The following ARMH4 variants were observed in gnomAD, a reference collection of about 807,000 sequenced individuals.
ARMH4 encodes armadillo-like helical domain-containing protein 4.
Under a neutral mutation model 61.9 loss-of-function variants are expected in ARMH4, and 49 were observed. The ratio of observed to expected loss-of-function variants is 0.79; its 90% confidence interval spans 0.63 to 1.00. The LOEUF (loss-of-function observed/expected upper bound fraction) is 1.00, where lower values mean the gene tolerates loss of function less well. Among genes scored for constraint, ARMH4 ranks in the 50% least tolerant of loss-of-function variants. The pLI, the probability that ARMH4 is intolerant of heterozygous loss-of-function variation, is 0.00. For missense variants in ARMH4, 934 were observed against 930.0 expected (o/e 1.00, Z -0.06); for synonymous variants, 368 against 341.5 (o/e 1.08, Z -0.85).
At chr14:58,039,517 T>G (rs1174604047) in intron 5 of ARMH4, among the ~76,000 whole-genome samples, 1 of 152,196 alleles carries the variant, frequency 6.6e-6, no homozygotes, top group Non-Finnish European at 1.5e-5. Context: ...AGAGATTATT[T>G]TTAAAAAAGA....
rs572892572 is a variant in ARMH4, at chr14:58,085,924, A to G, written c.2089+10800T>C. On this transcript the variant is annotated intron_variant, in intron 5 of 7. Coordinates refer to ENST00000267485, the MANE Select transcript of ARMH4 (RefSeq NM_001001872.4). ...GAACCTAAAACATTTAAAATGCTAC[A>G]TCGTAATAATAATTTTCTACATTCA... 2.6e-5 allele frequency among the ~76,000 whole-genome samples: 4 copies of G among 152,346 alleles called. 1 individual carries two copies. Among genetic ancestry groups the G allele is most frequent in the Admixed American group, 2.6e-4 (4 of 15,290 alleles).
Position 58,139,420 on chromosome 14 carries a change from G to T in ARMH4, c.-56-6C>A. 6.8e-7 allele frequency: 1 copy of T among 1,475,948 alleles called. No individual in the cohort carries two copies. The highest frequency in any genetic ancestry group is 9.4e-7 in the Non-Finnish European group (1 of 1,065,706). 91.4% of individuals were successfully genotyped at this position (1,475,948 alleles called of 1,614,324 possible). A position where few individuals can be genotyped will look rare whatever the true frequency, so the allele number is the denominator to read the frequency against. ...ACAAGTCCAGTAATTGAATCCTGCA[G>T]AAAAATAAAGCATATCAAACTGTCA... On this transcript the variant is annotated splice_polypyrimidine_tract_variant and splice_region_variant and intron_variant, in intron 1 of 7. Transcript: ENST00000267485.
chr14:58,017,625 T>C (rs1594692748), intron 5 of ARMH4, among the ~76,000 whole-genome samples: 1 of 152,162 alleles, frequency 6.6e-6, no homozygotes, highest in East Asian at 1.9e-4. Context: ...ATGAAAGAGA[T>C]TGAAGAAGAC....
chr14:58,012,187 T>C (rs201263862), intron 5 of ARMH4, 37 bp from the exon 6 acceptor site: 3 of 1,224,852 alleles, frequency 2.4e-6, no homozygotes, highest in Non-Finnish European at 3.5e-6. Flanking sequence ...GAAATAACCA[T>C]CTTTTACTTA....
At position 58,034,161 on chromosome 14, in the gene ARMH4, G is replaced by A. The variant is rs1348474758; in HGVS notation, c.2090-22011C>T. ...TTAAGGGCAGCCAGAGAGAAAGGTCGGGTTACCCTCAAAGGAAAGCCCATC... is the reference window on the plus strand; with the variant it reads ...TTAAGGGCAGCCAGAGAGAAAGGTCAGGTTACCCTCAAAGGAAAGCCCATC... On this transcript the variant is annotated intron_variant, in intron 5 of 7. Transcript: ENST00000267485. Among the ~76,000 whole-genome samples, 181 of 133,500 alleles carry A rather than the reference G, an allele frequency of 1.4e-3. 2 individuals carry two copies. Among genetic ancestry groups the A allele is most frequent in the African/African-American group, 4.5e-3 (157 of 34,788 alleles). The allele number at this position is 133,500 out of a possible 152,430, so 87.6% of individuals were successfully genotyped here. A position where few individuals can be genotyped will look rare whatever the true frequency, so the allele number is the denominator to read the frequency against.
chr14:58,147,319 T>A (rs993762112), intron 1 of ARMH4, among the ~76,000 whole-genome samples: 1 of 134,716 alleles, frequency 7.4e-6, no homozygotes, highest in African/African-American at 2.6e-5. Flanking sequence ...CCAGATGGTT[T>A]TTTTTTTTTT....
At chr14:58,047,143 T>C (rs913519975) in intron 5 of ARMH4, among the ~76,000 whole-genome samples, 2 of 152,220 alleles carry the variant, frequency 1.3e-5, no homozygotes, top group Admixed American at 6.5e-5. Flanking sequence ...ATGGTCATCA[T>C]TGCATAATAA....
At chr14:58,127,056 C>T (rs1030707234) in intron 4 of ARMH4, among the ~76,000 whole-genome samples, 1 of 152,096 alleles carries the variant, frequency 6.6e-6, no homozygotes, top group Admixed American at 6.6e-5. Flanking sequence ...CCTGCCTCGA[C>T]CTCCCAAAGT....
chr14:58,034,143 C>A (rs1443437517), intron 5 of ARMH4, among the ~76,000 whole-genome samples: 1 of 133,792 alleles, frequency 7.5e-6, no homozygotes, highest in Admixed American at 7.3e-5. Context: ...ATGTTAAGGG[C>A]AGCCAGAGAG....
chr14:58,138,713 G>C lies in ARMH4; in HGVS notation c.646C>G (p.Leu216Val), dbSNP rs775706474. 6.2e-7 allele frequency: 1 copy of C among 1,614,092 alleles called. No individual in the cohort carries two copies. The highest frequency in any genetic ancestry group is 1.1e-5 in the South Asian group (1 of 91,084). Residue 216 changes from leucine to valine, a missense_variant, in exon 2 of 8, where the codon CTA (leucine) becomes GTA (valine). Leu to Val is a conservative substitution (Grantham distance 32, BLOSUM62 1). Coordinates refer to ENST00000267485, the MANE Select transcript of ARMH4 (RefSeq NM_001001872.4). ...PSSYVNTKEMLTTNPKTEKFE... is the reference protein window; with the variant it reads ...PSSYVNTKEMVTTNPKTEKFE... ...TTCTCAGTCTTTGGATTGGTGGTTA[G>C]CATTTCCTTAGTATTCACATAGGAT...
intron 5 of ARMH4, among the ~76,000 whole-genome samples, chr14:58,065,050 T>C (rs1594734415): frequency 6.6e-6 from 1 of 152,312 alleles, no homozygotes; most frequent in African/African-American, 2.4e-5. Flanking sequence ...GAGACCATCC[T>C]GGCCAACATG....
At chr14:58,134,406 C>G (rs1266045792) in intron 2 of ARMH4, among the ~76,000 whole-genome samples, 6 of 152,178 alleles carry the variant, frequency 3.9e-5, no homozygotes, top group African/African-American at 1.4e-4. Flanking sequence ...TAATAATACT[C>G]TGCTTTCTCT....
At position 58,031,102 on chromosome 14, in the gene ARMH4, G is replaced by A. The variant is rs571380634; in HGVS notation, c.2090-18952C>T. On this transcript the variant is annotated intron_variant, in intron 5 of 7. Coordinates refer to ENST00000267485, the MANE Select transcript of ARMH4 (RefSeq NM_001001872.4). ...CTAATAGGTACCAGGTACTGGGCCA[G>A]AAAATAGCTATAAAGTGTTATGTAT... 3.5e-4 allele frequency among the ~76,000 whole-genome samples: 54 copies of A among 152,310 alleles called. No homozygotes were observed. The South Asian group carries it at 0.011, about 31-fold the overall frequency.
intron 4 of ARMH4, among the ~76,000 whole-genome samples, chr14:58,118,661 T>TG (rs1484779654): frequency 1.3e-5 from 2 of 152,078 alleles, no homozygotes; most frequent in Non-Finnish European, 2.9e-5. Flanking sequence ...GAGCACGGAA[T>TG]GGGTCAGGGC....
At chr14:58,104,413 T>C (rs1295639790) in intron 4 of ARMH4, among the ~76,000 whole-genome samples, 2 of 152,208 alleles carry the variant, frequency 1.3e-5, no homozygotes, top group Non-Finnish European at 2.9e-5. Context: ...AGAGCTAGCC[T>C]GAGAAGACAG....
intron 2 of ARMH4, among the ~76,000 whole-genome samples, chr14:58,135,756 G>A (rs1053239357): frequency 6.6e-6 from 1 of 151,966 alleles, no homozygotes; most frequent in Non-Finnish European, 1.5e-5. Flanking sequence ...AAAACACCAA[G>A]AAATCATTGC....
intron 5 of ARMH4, among the ~76,000 whole-genome samples, chr14:58,088,445 T>C (rs1885449970): frequency 6.6e-6 from 1 of 151,286 alleles, no homozygotes; most frequent in African/African-American, 2.4e-5. Flanking sequence ...CCAGGGTGTC[T>C]TAGCTAATGT....
chr14:58,047,777 T>C (rs1194183010), intron 5 of ARMH4, among the ~76,000 whole-genome samples: 1 of 151,944 alleles, frequency 6.6e-6, no homozygotes, highest in African/African-American at 2.4e-5. Flanking sequence ...TTAAGGAGCT[T>C]GGGTAAAGGA....
At chr14:58,060,800 G>T (rs1319602772) in intron 5 of ARMH4, among the ~76,000 whole-genome samples, 1 of 152,158 alleles carries the variant, frequency 6.6e-6, no homozygotes, top group Non-Finnish European at 1.5e-5. Flanking sequence ...TTTTCACGGT[G>T]TATGTACAGC....
Sources: allele counts gnomAD v4.1 joint callset (sites outside exome capture counted in the v4.1 genomes callset), GRCh38; gene constraint gnomAD v4.1.1; transcripts MANE v1.5; gene names NCBI Gene and HGNC (gene_info 2026-07-23, HGNC 2026-07-21).